SLIT2: variants seen among roughly 807,000 people sequenced by gnomAD.
SLIT2 encodes the protein slit guidance ligand 2.
Under a neutral mutation model 185.7 loss-of-function variants are expected in SLIT2, and 41 were observed. That is an observed-to-expected ratio of 0.22 (90% confidence interval 0.17 to 0.29). The LOEUF (loss-of-function observed/expected upper bound fraction) is 0.29. Ranked by LOEUF, SLIT2 falls within the 10% of genes least tolerant of loss-of-function variation. SLIT2 has a pLI of 1.00. For synonymous variants in SLIT2, 693 were observed against 680.2 expected (o/e 1.02, Z -0.29); for missense variants, 1,571 against 1,909.0 (o/e 0.82, Z 3.30).
chr4:20,285,527 C>G (rs1715179959), intron 4 of SLIT2, among the ~76,000 whole-genome samples: 1 of 151,860 alleles, frequency 6.6e-6, no homozygotes, highest in Non-Finnish European at 1.5e-5. Flanking sequence ...AGGGCAAATA[C>G]ATAGAAACTT....
intron 5 of SLIT2, among the ~76,000 whole-genome samples, chr4:20,471,139 A>G (rs1714961291): frequency 1.3e-5 from 2 of 152,218 alleles, no homozygotes; most frequent in African/African-American, 4.8e-5. Flanking sequence ...ATGAATGTAT[A>G]GGTTTATTTT....
chr4:20,472,268 A>ATATATATCTATATAGATC (rs1715184463), intron 5 of SLIT2, among the ~76,000 whole-genome samples: 1 of 38,784 alleles, frequency 2.6e-5, no homozygotes, highest in Non-Finnish European at 4.2e-5. Context: ...CTATATATAG[A>ATATATATCTATATAGATC]TATATATCTA....
intron 4 of SLIT2, among the ~76,000 whole-genome samples, chr4:20,418,591 A>G (rs1029540351): frequency 1.3e-5 from 2 of 152,242 alleles, no homozygotes; most frequent in African/African-American, 4.8e-5. Context: ...AAACTTGAGG[A>G]TGATTTTATT....
chr4:20,502,603 G>T (rs1044701276), intron 9 of SLIT2, among the ~76,000 whole-genome samples: 1 of 152,202 alleles, frequency 6.6e-6, no homozygotes, highest in South Asian at 2.1e-4. Flanking sequence ...ATTAGGATGT[G>T]TTTTGCAGGT....
At chr4:20,618,658 A>G in intron 36 of SLIT2, 110 bp from the exon 37 acceptor site, 1 of 1,135,768 alleles carries the variant, frequency 8.8e-7, no homozygotes, top group South Asian at 1.7e-5. Context: ...ATGTAAAGCA[A>G]GTTACAAAGG....
chr4:20,328,713 A>G (rs1052488661), intron 4 of SLIT2, among the ~76,000 whole-genome samples: 3 of 152,136 alleles, frequency 2.0e-5, no homozygotes, highest in African/African-American at 7.2e-5. Context: ...GGATTTAAAA[A>G]TGGAGTCAAA....
At chr4:20,526,892 C>G (rs1421568751) in intron 15 of SLIT2, among the ~76,000 whole-genome samples, 1 of 152,144 alleles carries the variant, frequency 6.6e-6, no homozygotes, top group Non-Finnish European at 1.5e-5. Context: ...CCGTTGAATG[C>G]AGATTATTTG....
At chr4:20,397,738 A>G (rs1017861287) in intron 4 of SLIT2, among the ~76,000 whole-genome samples, 2 of 151,836 alleles carry the variant, frequency 1.3e-5, no homozygotes, top group African/African-American at 4.8e-5. Context: ...AGCAGTTTAC[A>G]TTTACAGAAA....
chr4:20,462,312 G>A (rs1713817034), intron 4 of SLIT2, among the ~76,000 whole-genome samples: 2 of 152,034 alleles, frequency 1.3e-5, no homozygotes, highest in Non-Finnish European at 2.9e-5. Flanking sequence ...TAATTTCTTT[G>A]GAAAATTCCG....
At chr4:20,443,582 TA>T (rs71653885) in intron 4 of SLIT2, among the ~76,000 whole-genome samples, 18,685 of 62,898 alleles carry the variant, frequency 0.3, 2,055 homozygotes, top group South Asian at 0.32. Context: ...GGAGAAAATC[TA>T]AAAAAAAAAA....
At chr4:20,472,230 A>G (rs1399303900) in intron 5 of SLIT2, among the ~76,000 whole-genome samples, 1 of 104,244 alleles carries the variant, frequency 9.6e-6, no homozygotes, top group South Asian at 3.0e-4. Context: ...GTGTATATAT[A>G]TATAGATCTA....
At chr4:20,447,680 G>A (rs555370569) in intron 4 of SLIT2, among the ~76,000 whole-genome samples, 1 of 152,118 alleles carries the variant, frequency 6.6e-6, no homozygotes, top group East Asian at 1.9e-4. Flanking sequence ...GGAAGAGCTC[G>A]GCATCCATAT....
chr4:20,585,080 CA>C (rs965566290), intron 29 of SLIT2, among the ~76,000 whole-genome samples: 7 of 150,526 alleles, frequency 4.7e-5, no homozygotes, highest in Admixed American at 2.7e-4. Context: ...CAAAAAACAA[CA>C]AAAAAAAACA....
Position 20,569,010 on chromosome 4 carries a change from A to G in SLIT2, c.3088+6A>G. ...TTGCCCACCTGAGTATACAGGTACA[A>G]ATAATAGGAAATATTTTGCCTTCCA... On this transcript the variant is annotated splice_donor_region_variant and intron_variant, in intron 29 of 36. Transcript: ENST00000504154. The G allele has an allele frequency of 6.2e-7, 1 of 1,610,556 alleles. No homozygotes were observed. Among genetic ancestry groups the G allele is most frequent in the South Asian group, 1.1e-5 (1 of 91,030 alleles).
rs372175663 is a variant in SLIT2, at chr4:20,486,174, TCTAA to T, written c.540-23_540-20del. ...ATCAATCAATTTTGTATCTAAAAAT[TCTAA>T]CTTTTCTTTTTAATTCTACAGCACT... On this transcript the variant is annotated intron_variant, in intron 6 of 36. Transcript: ENST00000504154. 973 of 1,446,746 alleles carry T rather than the reference TCTAA, an allele frequency of 6.7e-4. 8 individuals are homozygous for T. In the African/African-American group the frequency reaches 0.012, roughly 18 times the overall value. The allele number at this position is 1,446,746 out of a possible 1,614,324, so 89.6% of individuals were successfully genotyped here. A position where few individuals can be genotyped will look rare whatever the true frequency, so the allele number is the denominator to read the frequency against.
At chr4:20,308,311 C>A (rs1036819479) in intron 4 of SLIT2, among the ~76,000 whole-genome samples, 3 of 152,152 alleles carry the variant, frequency 2.0e-5, no homozygotes, top group East Asian at 1.9e-4. Context: ...AATGCCATCA[C>A]CTCATTATGG....
chr4:20,425,928 A>T (rs1260259637), intron 4 of SLIT2, among the ~76,000 whole-genome samples: 1 of 152,106 alleles, frequency 6.6e-6, no homozygotes, highest in Non-Finnish European at 1.5e-5. Flanking sequence ...TATGACCATG[A>T]GTTTTTCAAG....
At chr4:20,315,458 A>G (rs531310722) in intron 4 of SLIT2, among the ~76,000 whole-genome samples, 1 of 152,142 alleles carries the variant, frequency 6.6e-6, no homozygotes, top group African/African-American at 2.4e-5. Context: ...TGTGCTTGTT[A>G]TAATCCATTT....
intron 4 of SLIT2, among the ~76,000 whole-genome samples, chr4:20,348,959 G>A (rs955628839): frequency 2.6e-5 from 4 of 152,182 alleles, no homozygotes; most frequent in African/African-American, 9.7e-5. Context: ...AGACTATGAT[G>A]TTCTAATTAG....
Sources: allele counts gnomAD v4.1 joint callset (sites outside exome capture counted in the v4.1 genomes callset), GRCh38; gene constraint gnomAD v4.1.1; transcripts MANE v1.5; gene names NCBI Gene and HGNC (gene_info 2026-07-23, HGNC 2026-07-21).